CDK15: variants seen among roughly 807,000 people sequenced by gnomAD.
The protein encoded by CDK15 is cyclin dependent kinase 15, also known as cyclin-dependent kinase 15.
CDK15 carries 62 observed loss-of-function variants against 60.3 expected under a neutral mutation model. The observed-to-expected ratio is 1.03, with a 90% confidence interval of 0.84 to 1.27. The LOEUF (loss-of-function observed/expected upper bound fraction) is 1.27, where lower values mean the gene tolerates loss of function less well. Ranked by LOEUF, CDK15 falls within the 50% of genes most tolerant of loss-of-function variation. The probability of loss-of-function intolerance (pLI) is 0.00; values close to 1 mark genes in which losing one functional copy is unlikely to be tolerated. For missense variants in CDK15, 541 were observed against 527.8 expected, an observed-to-expected ratio of 1.03 and a Z score of -0.25; for synonymous variants, 194 against 195.7, an observed-to-expected ratio of 0.99 and a Z score of 0.07.
chr2:201,840,284 T>G (rs950023771), intron 8 of CDK15, among the ~76,000 whole-genome samples: 3 of 152,184 alleles, frequency 2.0e-5, no homozygotes, highest in African/African-American at 7.2e-5. Context: ...CAAGTACCCA[T>G]TTTTACATAT....
At chr2:201,855,073 TC>T (rs1698088493) in intron 10 of CDK15, 136 bp downstream of exon 10, 1 of 709,110 alleles carries the variant, frequency 1.4e-6, no homozygotes, top group Non-Finnish European at 2.4e-6. Flanking sequence ...ATTCATATAT[TC>T]CCTGACTAAT....
chr2:201,809,718 A>AC (rs1695670240), intron 3 of CDK15, among the ~76,000 whole-genome samples: 1 of 152,102 alleles, frequency 6.6e-6, no homozygotes, highest in Non-Finnish European at 1.5e-5. Flanking sequence ...ACCCTATAGA[A>AC]TCCCTACCCT....
rs915865817 is a variant in CDK15, at chr2:201,895,206, A to G, written c.*1939A>G. On this transcript the variant is annotated 3_prime_UTR_variant, in exon 14 of 14. Coordinates refer to ENST00000652192, the MANE Select transcript of CDK15 (RefSeq NM_001366386.2). The stretch of plus-strand genomic sequence containing the variant: ...TGGAGGTTAGAAGAGCTGACCTCCA[A>G]TGTCCCGTCTAATTCCAAGATTCTC... 4 of 152,218 alleles carry G rather than the reference A, an allele frequency of 2.6e-5. No individual in the cohort carries two copies. The highest frequency in any genetic ancestry group is 4.4e-5 in the Non-Finnish European group (3 of 68,030). 9.4% of individuals were successfully genotyped at this position (152,218 alleles called of 1,614,324 possible).
intron 4 of CDK15, among the ~76,000 whole-genome samples, chr2:201,816,215 A>G (rs770173736): frequency 7.2e-5 from 11 of 152,158 alleles, no homozygotes; most frequent in African/African-American, 2.7e-4. Context: ...TTGTCACCCA[A>G]ATAGTGAGTA....
At chr2:201,881,655 AT>A (rs1312548181) in intron 12 of CDK15, among the ~76,000 whole-genome samples, 1 of 152,186 alleles carries the variant, frequency 6.6e-6, no homozygotes, top group Non-Finnish European at 1.5e-5. Context: ...CTAAAGTGGA[AT>A]TTGGAAGGAG....
chr2:201,822,346 C>T (rs1187467606), intron 4 of CDK15, among the ~76,000 whole-genome samples: 1 of 152,244 alleles, frequency 6.6e-6, no homozygotes, highest in Non-Finnish European at 1.5e-5. Context: ...CAATCATATC[C>T]ACCGGCCCTA....
chr2:201,835,215 G>A (rs1222778199), intron 7 of CDK15, among the ~76,000 whole-genome samples: 3 of 152,164 alleles, frequency 2.0e-5, no homozygotes, highest in African/African-American at 4.8e-5. Flanking sequence ...GTGGCCCCAT[G>A]CTATCTTGGC....
At chr2:201,829,920 G>C (rs1167950952) in intron 6 of CDK15, among the ~76,000 whole-genome samples, 1 of 152,052 alleles carries the variant, frequency 6.6e-6, no homozygotes, top group Non-Finnish European at 1.5e-5. Flanking sequence ...GGAGCCTCCT[G>C]CCTCAGCCTC....
chr2:201,813,418 G>A (rs559453552), intron 4 of CDK15, among the ~76,000 whole-genome samples: 4 of 152,272 alleles, frequency 2.6e-5, no homozygotes, highest in African/African-American at 7.2e-5. Context: ...GATGATGATA[G>A]GATTGCTATG....
At chr2:201,863,873 G>A (rs1255100457) in intron 10 of CDK15, among the ~76,000 whole-genome samples, 3 of 152,142 alleles carry the variant, frequency 2.0e-5, no homozygotes, top group Non-Finnish European at 2.9e-5. Flanking sequence ...TCTAGCCTGG[G>A]CAACAGAGTG....
intron 6 of CDK15, among the ~76,000 whole-genome samples, chr2:201,828,712 G>C (rs1399705513): frequency 6.6e-6 from 1 of 152,200 alleles, no homozygotes; most frequent in Admixed American, 6.5e-5. Context: ...AAGGGGCACA[G>C]AGCATCCATG....
intron 10 of CDK15, among the ~76,000 whole-genome samples, chr2:201,869,505 G>A (rs751034601): frequency 4.4e-4 from 67 of 151,512 alleles, no homozygotes; most frequent in Admixed American, 2.4e-3. Context: ...TTGTGCACCT[G>A]TACCCTAGAA....
intron 3 of CDK15, chr2:201,808,589 G>A (rs1695617938): frequency 6.6e-6 from 1 of 152,122 alleles, no homozygotes; most frequent in African/African-American, 2.4e-5. Context: ...AGTCAAGGTG[G>A]GAAAGTTGGA....
intron 8 of CDK15, among the ~76,000 whole-genome samples, chr2:201,839,579 G>A (rs1409113987): frequency 6.6e-6 from 1 of 152,074 alleles, no homozygotes; most frequent in Non-Finnish European, 1.5e-5. Flanking sequence ...GGATACTTTG[G>A]TTCTCAGAAA....
chr2:201,888,990 A>T (rs975146898), intron 12 of CDK15: 20 of 985,896 alleles, frequency 2.0e-5, no homozygotes, highest in Non-Finnish European at 2.3e-5. Context: ...ATCCGTGTGA[A>T]AATGTCTTAT....
intron 10 of CDK15, among the ~76,000 whole-genome samples, chr2:201,859,481 C>T (rs1326800216): frequency 6.6e-6 from 1 of 152,154 alleles, no homozygotes; most frequent in African/African-American, 2.4e-5. Flanking sequence ...GTAGGTTTCA[C>T]CATCAGAACC....
chr2:201,845,162 A>G (rs1697595426), intron 8 of CDK15, among the ~76,000 whole-genome samples: 2 of 152,222 alleles, frequency 1.3e-5, no homozygotes, highest in South Asian at 4.1e-4. Flanking sequence ...AAAAAAGAAA[A>G]AAAAAAATTG....
At chr2:201,817,391 A>G (rs1696042395) in intron 4 of CDK15, among the ~76,000 whole-genome samples, 1 of 152,178 alleles carries the variant, frequency 6.6e-6, no homozygotes, top group Non-Finnish European at 1.5e-5. Context: ...GATGTTGAGC[A>G]ATTTTTTCAT....
chr2:201,822,946 T>C (rs1311739512), intron 5 of CDK15, 43 bp downstream of exon 5: 7 of 1,090,032 alleles, frequency 6.4e-6, no homozygotes, highest in Non-Finnish European at 9.9e-6. Flanking sequence ...AAAAATAACC[T>C]GGTACTTGTA....
Sources: gnomAD v4.1 joint callset for allele counts (sites outside exome capture counted in the v4.1 genomes callset) on GRCh38, gnomAD v4.1.1 for gene constraint, MANE v1.5 for transcripts, NCBI Gene and HGNC (gene_info 2026-07-23, HGNC 2026-07-21) for gene names.